The following TFB1M variants were observed in gnomAD, a reference collection of about 807,000 sequenced individuals.
TFB1M encodes transcription factor B1, mitochondrial.
A neutral mutation model predicts 31.1 loss-of-function variants in TFB1M; 27 were observed. The ratio of observed to expected loss-of-function variants is 0.87; its 90% CI spans 0.64 to 1.20. The LOEUF (loss-of-function observed/expected upper bound fraction) is 1.20, where lower values mean the gene tolerates loss of function less well. Ranked by LOEUF, TFB1M falls within the 50% of genes most tolerant of loss-of-function variation. TFB1M has a pLI of 0.00. For synonymous variants in TFB1M, 166 were observed against 151.8 expected (o/e 1.09, Z -0.69); for missense variants, 394 against 418.7 (o/e 0.94, Z 0.51).
the TFB1M span, chr6:155,232,635 T>C: frequency 6.6e-6 from 1 of 152,390 alleles, no homozygotes; most frequent in South Asian, 2.1e-4. Context: ...CAGTCCAGGC[T>C]GATGGCTCAG....
intron 3 of TFB1M, 131 bp from the exon 4 acceptor site, chr6:155,297,235 TTTTTTTTTCACTTA>T (rs1422910840): frequency 5.1e-6 from 5 of 983,022 alleles, no homozygotes; most frequent in Non-Finnish European, 7.4e-6. Context: ...ATGGCTAAAT[TTTTTTTTTCACTTA>T]TTATTCAAAA....
chr6:155,256,369 A>C lies in TFB1M; in HGVS notation c.*1467T>G. The C allele has an allele frequency of 6.9e-7, 1 of 1,455,890 alleles. No homozygotes were observed. The highest frequency in any genetic ancestry group is 9.3e-7 in the Non-Finnish European group (1 of 1,078,534). 90.2% of individuals were successfully genotyped at this position (1,455,890 alleles called of 1,614,324 possible). On this transcript the variant is annotated 3_prime_UTR_variant, in exon 7 of 7. Transcript: ENST00000367166. ...AATTACCAGGATAGTTGCTAACTGA[A>C]GTCATATCATAAAATAAAATCTTAA...
the TFB1M span, chr6:155,245,725 G>A: frequency 1.3e-6 from 2 of 1,592,146 alleles, no homozygotes; most frequent in Non-Finnish European, 1.7e-6. Flanking sequence ...GAAGGTTCTG[G>A]AGCGAGGTAA....
intron 5 of TFB1M, among the ~76,000 whole-genome samples, chr6:155,283,445 A>G (rs536333822): frequency 3.2e-4 from 49 of 152,380 alleles, no homozygotes; most frequent in Non-Finnish European, 6.3e-4. Flanking sequence ...CAATAAAAAA[A>G]GGAATCAAAG....
chr6:155,254,404 TC>T (rs201028845), downstream of TFB1M: 22,307 of 1,603,640 alleles, frequency 0.014, 274 homozygotes, highest in Non-Finnish European at 0.015. Flanking sequence ...CTGTTTTCTC[TC>T]CCCCCCCACC....
the TFB1M span, among the ~76,000 whole-genome samples, chr6:155,235,476 A>G: frequency 6.6e-6 from 1 of 152,228 alleles, no homozygotes; most frequent in Non-Finnish European, 1.5e-5. Context: ...CTATTCCTAT[A>G]AAGTGCTGAT....
At chr6:155,236,558 G>A in the TFB1M span, among the ~76,000 whole-genome samples, 1 of 152,150 alleles carries the variant, frequency 6.6e-6, no homozygotes, top group Admixed American at 6.5e-5. Context: ...AGCTACTTGG[G>A]AGGCTGAGGC....
intron 4 of TFB1M, among the ~76,000 whole-genome samples, chr6:155,286,577 GTGTATA>G (rs1182369530): frequency 6.8e-5 from 10 of 147,250 alleles, no homozygotes; most frequent in African/African-American, 2.0e-4. Flanking sequence ...ATATATACAT[GTGTATA>G]TGTATATGTG....
chr6:155,248,384 A>AT, the TFB1M span, among the ~76,000 whole-genome samples: 9 of 152,346 alleles, frequency 5.9e-5, no homozygotes, highest in South Asian at 8.3e-4. Context: ...AGCTTACAAA[A>AT]TACTTGGGTA....
At chr6:155,292,135 CA>C (rs1351118257) in intron 4 of TFB1M, among the ~76,000 whole-genome samples, 3 of 152,116 alleles carry the variant, frequency 2.0e-5, no homozygotes, top group Non-Finnish European at 4.4e-5. Context: ...GCAGCAGAGG[CA>C]GGGGGCAGCT....
chr6:155,241,042 G>A, the TFB1M span, among the ~76,000 whole-genome samples: 1 of 152,234 alleles, frequency 6.6e-6, no homozygotes, highest in African/African-American at 2.4e-5. Context: ...CACTTTAGGT[G>A]ATGAGGAACT....
chr6:155,268,472 T>C (rs1462883499), intron 5 of TFB1M, among the ~76,000 whole-genome samples: 1 of 152,216 alleles, frequency 6.6e-6, no homozygotes, highest in South Asian at 2.1e-4. Flanking sequence ...TTAAGCTCTA[T>C]GAAAAGGTGT....
intron 5 of TFB1M, among the ~76,000 whole-genome samples, chr6:155,283,541 T>C (rs1400615527): frequency 6.6e-6 from 1 of 152,234 alleles, no homozygotes; most frequent in Admixed American, 6.5e-5. Flanking sequence ...AAACTACATA[T>C]GTACCTTACC....
At chr6:155,290,837 T>C (rs1036740478) in intron 4 of TFB1M, among the ~76,000 whole-genome samples, 2 of 152,218 alleles carry the variant, frequency 1.3e-5, no homozygotes. Flanking sequence ...AGAAATATAT[T>C]TGGACTTTGT....
intron 5 of TFB1M, among the ~76,000 whole-genome samples, chr6:155,267,257 G>A (rs137901753): frequency 0.012 from 1,858 of 152,298 alleles, 34 homozygotes; most frequent in Non-Finnish European, 0.015. Context: ...TTATGGGCAT[G>A]AGCCACCACA....
chr6:155,284,138 A>G (rs1380381714), intron 5 of TFB1M, among the ~76,000 whole-genome samples: 1 of 152,218 alleles, frequency 6.6e-6, no homozygotes, highest in Non-Finnish European at 1.5e-5. Context: ...ACGCTCAGCT[A>G]ACTGGCCAAA....
rs200783604 is a variant in TFB1M, at chr6:155,281,599, G to C, written c.666+3559C>G. Reference sequence around the variant, plus strand: ...TAGCGGGGCATGATGGCGGGCGCCTGTAATCCCAGCTACTCGGAAGGCTGA... The same window carrying C: ...TAGCGGGGCATGATGGCGGGCGCCTCTAATCCCAGCTACTCGGAAGGCTGA... On this transcript the variant is annotated intron_variant, in intron 5 of 6. Transcript: ENST00000367166. Among the ~76,000 whole-genome samples the C allele has an allele frequency of 2.4e-4, 36 of 151,862 alleles. No individual in the cohort carries two copies. The East Asian group carries it at 6.6e-3, about 28-fold the overall frequency.
chr6:155,260,322 C>T lies in TFB1M; in HGVS notation c.745G>A (p.Val249Ile). The change falls in exon 6 of 7, where the codon GTT (valine) becomes ATT (isoleucine). Residue 249 changes from valine to isoleucine, a missense_variant. By Grantham distance (29) the Val-to-Ile change is conservative. Transcript: ENST00000367166. The stretch of plus-strand genomic sequence containing the variant: ...CTTCGGAACTGAAATACATTCTGAA[C>T]CACTTTTTCCACCAGCTTGAATGGC... Reference protein sequence around the residue: ...EQPFKLVEKVVQNVFQFRRKY... With the variant: ...EQPFKLVEKVIQNVFQFRRKY... 1.9e-6 allele frequency: 3 copies of T among 1,614,232 alleles called. No homozygotes were observed. The highest frequency in any genetic ancestry group is 2.5e-6 in the Non-Finnish European group (3 of 1,180,036).
downstream of TFB1M, chr6:155,252,958 C>T: frequency 6.2e-7 from 1 of 1,614,120 alleles, no homozygotes; most frequent in East Asian, 2.2e-5. Flanking sequence ...CCCTCGAATT[C>T]CCGGCCTGCA....
Sources: allele counts gnomAD v4.1 joint callset (sites outside exome capture counted in the v4.1 genomes callset), GRCh38; gene constraint gnomAD v4.1.1; transcripts MANE v1.5; gene names NCBI Gene and HGNC (gene_info 2026-07-23, HGNC 2026-07-21).